ZNF577: variants seen among roughly 807,000 people sequenced by gnomAD.
The protein encoded by ZNF577 is zinc finger protein 577.
A neutral mutation model predicts 13.9 loss-of-function variants in ZNF577; 14 were observed. That is an observed-to-expected ratio of 1.00 (90% confidence interval 0.66 to 1.57). The LOEUF (loss-of-function observed/expected upper bound fraction) is 1.57. Ranked by LOEUF, ZNF577 falls within the 40% of genes most tolerant of loss-of-function variation. ZNF577 has a pLI of 0.00. For synonymous variants in ZNF577, 203 were observed against 202.9 expected (o/e 1.00, Z 0.00); for missense variants, 555 against 579.2 (o/e 0.96, Z 0.43).
chr19:51,834,197 C>A (rs1283741403), intron 9 of ZNF577, among the ~76,000 whole-genome samples: 1 of 152,122 alleles, frequency 6.6e-6, no homozygotes, highest in Non-Finnish European at 1.5e-5. Flanking sequence ...CTCAAGTGAT[C>A]CTCCACCTCA....
intron 9 of ZNF577, among the ~76,000 whole-genome samples, chr19:51,831,595 T>C (rs73566136): frequency 0.069 from 10,519 of 152,192 alleles, 1,059 homozygotes; most frequent in African/African-American, 0.23. Context: ...AGCAATCAGT[T>C]ATTTACACAG....
At chr19:51,883,232 C>G (rs2084891329) in intron 1 of ZNF577, among the ~76,000 whole-genome samples, 1 of 151,932 alleles carries the variant, frequency 6.6e-6, no homozygotes, top group Non-Finnish European at 1.5e-5. Flanking sequence ...ACCTTGTGAT[C>G]CACCTGCCTC....
intron 9 of ZNF577, among the ~76,000 whole-genome samples, chr19:51,838,602 CAT>C (rs1468582829): frequency 2.7e-5 from 4 of 147,002 alleles, no homozygotes; most frequent in African/African-American, 7.4e-5. Context: ...TAAGTATAAA[CAT>C]AAATATATAT....
At chr19:51,841,639 C>T (rs1435490265) in intron 8 of ZNF577, among the ~76,000 whole-genome samples, 1 of 152,112 alleles carries the variant, frequency 6.6e-6, no homozygotes, top group African/African-American at 2.4e-5. Flanking sequence ...AAATATTAGG[C>T]CCGATGCGGT....
rs142925012 is a variant in ZNF577 at position 51,873,205 on chromosome 19, C to T, written c.785G>A (p.Arg262Gln). ...ATAGAGTTTCTCTCCAGTATGTGAT[C>T]GCTGATGTCTATTGAGCCGGCACTT... Reference protein sequence around the residue: ...SRKCRLNRHQRSHTGEKLYGC... With the variant: ...SRKCRLNRHQQSHTGEKLYGC... The change falls in exon 6 of 6, where the codon CGA (arginine) becomes CAA (glutamine). Residue 262 changes from arginine (R) to glutamine (Q), a missense_variant. Coordinates refer to ENST00000638348, the MANE Select transcript of ZNF577 (RefSeq NM_001370449.1). 2.0e-5 allele frequency: 32 copies of T among 1,613,954 alleles called. No homozygotes were observed. The highest frequency in any genetic ancestry group is 1.5e-4 in the Admixed American group (9 of 59,990).
intron 9 of ZNF577, among the ~76,000 whole-genome samples, chr19:51,813,005 G>A (rs112658537): frequency 0.026 from 3,892 of 151,920 alleles, 164 homozygotes; most frequent in African/African-American, 0.089. Context: ...TGTAGTTCTA[G>A]CTACTGGGGA....
At chr19:51,834,435 T>C (rs1351018389) in intron 9 of ZNF577, among the ~76,000 whole-genome samples, 1 of 152,202 alleles carries the variant, frequency 6.6e-6, no homozygotes, top group Non-Finnish European at 1.5e-5. Flanking sequence ...TGCTGGGTTA[T>C]AAAATAAGTT....
At chr19:51,873,816 T>C (rs1043106971) in intron 5 of ZNF577, 110 bp from the exon 6 acceptor site, 7 of 868,100 alleles carry the variant, frequency 8.1e-6, no homozygotes, top group Non-Finnish European at 1.2e-5. Flanking sequence ...CATAACTTTG[T>C]TGACATCTTT....
chr19:51,880,095 C>G (rs2084837454), intron 3 of ZNF577, among the ~76,000 whole-genome samples: 1 of 152,168 alleles, frequency 6.6e-6, no homozygotes, highest in South Asian at 2.1e-4. Flanking sequence ...TGGGCAAAGT[C>G]AGATGACCAG....
chr19:51,815,235 G>A lies in ZNF577; in HGVS notation c.*600-3561C>T, dbSNP rs931705235. 2.6e-5 allele frequency among the ~76,000 whole-genome samples: 4 copies of A among 152,104 alleles called. No individual in the cohort carries two copies. In the East Asian group the frequency reaches 5.8e-4, roughly 22 times the overall value. The stretch of plus-strand genomic sequence containing the variant: ...TTCAGCCCCACCCATTGACTTTCAG[G>A]AAGGGGAAGTGGGGACTGGAGATTG... On this transcript the variant is annotated intron_variant and NMD_transcript_variant, in intron 9 of 10. Transcript: ENST00000638827.
chr19:51,872,854 T>C lies in ZNF577; in HGVS notation c.1136A>G (p.Glu379Gly), dbSNP rs766001811. 8.1e-6 allele frequency: 13 copies of C among 1,614,086 alleles called. No homozygotes were observed. The East Asian group carries it at 2.7e-4, about 33-fold the overall frequency. Residue 379 changes from glutamate (E) to glycine (G), a missense_variant, in exon 6 of 6, where the codon GAG becomes GGG. Coordinates refer to ENST00000638348, the MANE Select transcript of ZNF577 (RefSeq NM_001370449.1). ...LIKHEKTHIR[E>G]TAINSLTVEK... Reference sequence around the variant, plus strand: ...CACCGTCAGTGAATTTATGGCTGTCTCTCTTATGTGAGTTTTCTCATGTTT... The same window carrying C: ...CACCGTCAGTGAATTTATGGCTGTCCCTCTTATGTGAGTTTTCTCATGTTT...
At chr19:51,876,617 C>T (rs564801159) in intron 5 of ZNF577, among the ~76,000 whole-genome samples, 237 of 152,024 alleles carry the variant, frequency 1.6e-3, no homozygotes, top group Non-Finnish European at 3.0e-3. Flanking sequence ...CACTTTTAAG[C>T]GACAGAAGTG....
chr19:51,855,399 G>GTGTA (rs1555745585), intron 5 of ZNF577, among the ~76,000 whole-genome samples: 8 of 142,584 alleles, frequency 5.6e-5, no homozygotes, highest in African/African-American at 2.2e-4. Flanking sequence ...GTGTGTGTGT[G>GTGTA]TGTGTGTGTC....
chr19:51,810,975 A>G (rs2084092760), intron 10 of ZNF577, among the ~76,000 whole-genome samples: 1 of 152,176 alleles, frequency 6.6e-6, no homozygotes, highest in African/African-American at 2.4e-5. Flanking sequence ...AGGAGGCAAT[A>G]CAGATGTTTC....
At chr19:51,814,576 C>A (rs148782139) in intron 9 of ZNF577, among the ~76,000 whole-genome samples, 1 of 151,562 alleles carries the variant, frequency 6.6e-6, no homozygotes, top group Non-Finnish European at 1.5e-5. Context: ...TCACTGCAAC[C>A]TCCATCTGCT....
intron 1 of ZNF577, among the ~76,000 whole-genome samples, chr19:51,885,882 C>T (rs1599881185): frequency 6.6e-6 from 1 of 152,080 alleles, no homozygotes; most frequent in South Asian, 2.1e-4. Flanking sequence ...CTCCCATAAG[C>T]CATAACAATG....
chr19:51,812,036 G>T (rs934958745), intron 9 of ZNF577, among the ~76,000 whole-genome samples: 17 of 152,146 alleles, frequency 1.1e-4, no homozygotes, highest in Non-Finnish European at 2.1e-4. Context: ...TTTAACTACA[G>T]CCTTGCCTAA....
intron 5 of ZNF577, among the ~76,000 whole-genome samples, chr19:51,856,786 AG>A (rs1231793503): frequency 1.3e-5 from 2 of 152,152 alleles, no homozygotes; most frequent in Non-Finnish European, 2.9e-5. Flanking sequence ...ACTGCATGAA[AG>A]GTGGTAGTAT....
intron 5 of ZNF577, among the ~76,000 whole-genome samples, chr19:51,855,308 T>C (rs2084406341): frequency 6.7e-6 from 1 of 150,048 alleles, no homozygotes; most frequent in Non-Finnish European, 1.5e-5. Flanking sequence ...AGTTAGCTAA[T>C]GATTAATCAA....
Sources: allele counts gnomAD v4.1 joint callset (sites outside exome capture counted in the v4.1 genomes callset), GRCh38; gene constraint gnomAD v4.1.1; transcripts MANE v1.5; gene names NCBI Gene and HGNC (gene_info 2026-07-23, HGNC 2026-07-21).